The following SS18 variants were observed in gnomAD, a reference collection of about 807,000 sequenced individuals.
SS18 encodes the protein protein SSXT.
A neutral mutation model predicts 72.5 loss-of-function variants in SS18; 28 were observed. The ratio of observed to expected loss-of-function variants is 0.39; its 90% CI spans 0.29 to 0.53. The LOEUF (loss-of-function observed/expected upper bound fraction) is 0.53. SS18 is among the 20% of genes least tolerant of loss of function. SS18 has a pLI of 0.76. For synonymous variants in SS18, 172 were observed against 164.2 expected (o/e 1.05, Z -0.37); for missense variants, 518 against 535.3 (o/e 0.97, Z 0.32).
At chr18:26,039,168 CAAAAAAAAAAAAAAA>C (rs34318951) in intron 6 of SS18, 106 bp downstream of exon 6, 18 of 251,654 alleles carry the variant, frequency 7.2e-5, no homozygotes, top group Middle Eastern at 1.3e-3. Context: ...TACCTTTTGT[CAAAAAAAAAAAAAAA>C]AAAAAAAAAA....
At position 26,090,491 on chromosome 18, in the gene SS18, G is replaced by A. The variant is rs768746061; in HGVS notation, c.69+10C>T. 38 of 1,563,606 alleles carry A rather than the reference G, an allele frequency of 2.4e-5. No individual in the cohort carries two copies. The highest frequency in any genetic ancestry group is 2.2e-4 in the Admixed American group (12 of 53,742). On this transcript the variant is annotated intron_variant, in intron 1 of 10. Transcript: ENST00000415083. ...AAGGGCCTGGCATCCGCAACCCCGCGCGGTTTCACCTTCTGAATCGCAGCG... is the reference window on the plus strand; with the variant it reads ...AAGGGCCTGGCATCCGCAACCCCGCACGGTTTCACCTTCTGAATCGCAGCG...
chr18:26,080,105 AAAGT>A (rs1210888516), intron 2 of SS18, among the ~76,000 whole-genome samples: 1 of 152,228 alleles, frequency 6.6e-6, no homozygotes, highest in African/African-American at 2.4e-5. Context: ...CTAAATGGAC[AAAGT>A]AATAATTATA....
At chr18:26,070,458 G>T (rs1014399845) in intron 3 of SS18, among the ~76,000 whole-genome samples, 1 of 152,184 alleles carries the variant, frequency 6.6e-6, no homozygotes, top group Non-Finnish European at 1.5e-5. Flanking sequence ...TTAAAATTAA[G>T]AAAACAAGTC....
At chr18:26,090,141 C>A in intron 1 of SS18, 1 of 258,846 alleles carries the variant, frequency 3.9e-6, no homozygotes, top group Non-Finnish European at 7.3e-6. Flanking sequence ...AAAGTAACTC[C>A]GGAGCAACGC....
At chr18:26,029,235 G>T (rs2053502848) in intron 10 of SS18, among the ~76,000 whole-genome samples, 2 of 152,206 alleles carry the variant, frequency 1.3e-5, no homozygotes, top group Non-Finnish European at 2.9e-5. Flanking sequence ...CACAAGGAGG[G>T]TAGCATAGGA....
chr18:26,049,590 C>T (rs750315486), intron 5 of SS18, among the ~76,000 whole-genome samples: 1 of 152,204 alleles, frequency 6.6e-6, no homozygotes, highest in Non-Finnish European at 1.5e-5. Flanking sequence ...AAACTCACTA[C>T]AGCCTCGAAG....
chr18:26,017,302 T>A lies in SS18; in HGVS notation c.*1052A>T, dbSNP rs2053266217. On this transcript the variant is annotated 3_prime_UTR_variant, in exon 11 of 11. Coordinates refer to ENST00000415083, the MANE Select transcript of SS18 (RefSeq NM_001007559.3). Reference sequence around the variant, plus strand: ...AGTGTCCCTTTATAAATGATATTATTTCCAGATAAGAAAGTTGAAACAAAG... The same window carrying A: ...AGTGTCCCTTTATAAATGATATTATATCCAGATAAGAAAGTTGAAACAAAG... The A allele has an allele frequency of 5.2e-6, 1 of 193,892 alleles. No individual in the cohort carries two copies. Among genetic ancestry groups the A allele is most frequent in the South Asian group, 1.9e-4 (1 of 5,196 alleles). The allele number at this position is 193,892 out of a possible 1,614,324, so 12.0% of individuals were successfully genotyped here.
chr18:26,018,287 T>A lies in SS18; in HGVS notation c.*67A>T, dbSNP rs749900408. On this transcript the variant is annotated 3_prime_UTR_variant, in exon 11 of 11. Transcript: ENST00000415083. ...ATGGAAGGATCTCTTCACAGGGAGG[T>A]GTCCACAGTGCTGAGGTGACAATAT... 1 of 1,320,154 alleles carries A rather than the reference T, an allele frequency of 7.6e-7. No individual in the cohort carries two copies. The highest frequency in any genetic ancestry group is 1.1e-6 in the Non-Finnish European group (1 of 929,896). 81.8% of individuals were successfully genotyped at this position (1,320,154 alleles called of 1,614,324 possible). A position where few individuals can be genotyped will look rare whatever the true frequency, so the allele number is the denominator to read the frequency against.
intron 3 of SS18, among the ~76,000 whole-genome samples, chr18:26,074,935 A>G (rs997619497): frequency 3.9e-5 from 6 of 151,976 alleles, no homozygotes; most frequent in Admixed American, 3.3e-4. Flanking sequence ...TGTTGACATT[A>G]GGAAAATAAG....
In SS18 at chr18:26,035,263, G is replaced by T. The variant is rs2053608720; in HGVS notation, c.974-136C>A. 8.6e-7 allele frequency: 1 copy of T among 1,168,202 alleles called. No homozygotes were observed. Among genetic ancestry groups the T allele is most frequent in the South Asian group, 1.7e-5 (1 of 59,480 alleles). 72.4% of individuals were successfully genotyped at this position (1,168,202 alleles called of 1,614,324 possible). Reference sequence around the variant, plus strand: ...GATTTTTAGAAGTTAACAAAACAAAGAAAAAACTCAAACCAAACAGAAGGA... The same window carrying T: ...GATTTTTAGAAGTTAACAAAACAAATAAAAAACTCAAACCAAACAGAAGGA... On this transcript the variant is annotated intron_variant, in intron 8 of 10. Coordinates refer to ENST00000415083, the MANE Select transcript of SS18 (RefSeq NM_001007559.3). The surrounding 1 kb of genome is among the most constrained non-coding windows in gnomAD (Gnocchi z 4.4).
At chr18:26,022,232 T>C (rs1005447914) in intron 10 of SS18, among the ~76,000 whole-genome samples, 2 of 152,140 alleles carry the variant, frequency 1.3e-5, no homozygotes, top group Non-Finnish European at 2.9e-5. Context: ...TATTTACTGA[T>C]TATGTGCTGT....
At position 26,017,910 on chromosome 18, in the gene SS18, T is replaced by C. The variant is rs1253720079; in HGVS notation, c.*444A>G. The C allele has an allele frequency of 4.2e-6, 1 of 237,178 alleles. No individual in the cohort carries two copies. Among genetic ancestry groups the C allele is most frequent in the Non-Finnish European group, 8.3e-6 (1 of 120,626 alleles). 14.7% of individuals were successfully genotyped at this position (237,178 alleles called of 1,614,324 possible). On this transcript the variant is annotated 3_prime_UTR_variant, in exon 11 of 11. Coordinates refer to ENST00000415083, the MANE Select transcript of SS18 (RefSeq NM_001007559.3). ...AGTGCGTAGTGTACCGCCTTGCATA[T>C]TCACCACATGAAATAAACATAATAT...
chr18:26,062,764 T>C (rs977959256), intron 3 of SS18, among the ~76,000 whole-genome samples: 1 of 152,226 alleles, frequency 6.6e-6, no homozygotes, highest in African/African-American at 2.4e-5. Context: ...AATAGCTGGC[T>C]TAAATTATTA....
Position 26,066,717 on chromosome 18 carries a change from A to G in SS18, c.232-8975T>C, listed in dbSNP as rs565132939. ...CTGAATTTTATATATACTGTCCAGC[A>G]AACAGTAAACATGATTTTTTTTCCT... On this transcript the variant is annotated intron_variant, in intron 3 of 10. Transcript: ENST00000415083. Among the ~76,000 whole-genome samples, 6 of 152,296 alleles carry G rather than the reference A, an allele frequency of 3.9e-5. No individual in the cohort carries two copies. The East Asian group carries it at 9.6e-4, about 24-fold the overall frequency.
At chr18:26,042,092 G>A (rs1354293472) in intron 5 of SS18, among the ~76,000 whole-genome samples, 1 of 152,050 alleles carries the variant, frequency 6.6e-6, no homozygotes, top group African/African-American at 2.4e-5. Flanking sequence ...TGATTGTTTA[G>A]GAAGTATATT....
rs146549791 is a variant in SS18 at position 26,057,602 on chromosome 18, G to A, written c.372C>T (p.Asn124=). The change falls in exon 4 of 11, where the codon AAC becomes AAT. Residue 124 remains asparagine (N), a synonymous_variant. Transcript: ENST00000415083. ...PPAPHMQNQM[N]GQMPGPNHMP... is the part of the protein sequence containing the mutation. ...AGAAAAACTTACCAGGCATCTGGCC[G>A]TTCATCTGGTTCTGCATGTGCGGTG... 5.5e-5 allele frequency: 88 copies of A among 1,613,952 alleles called. No individual in the cohort carries two copies. The highest frequency in any genetic ancestry group is 8.3e-5 in the Admixed American group (5 of 60,000).
intron 9 of SS18, among the ~76,000 whole-genome samples, chr18:26,034,338 A>G (rs1280404860): frequency 6.6e-6 from 1 of 152,212 alleles, no homozygotes; most frequent in Non-Finnish European, 1.5e-5. Context: ...AAGTGGTTAT[A>G]GTAGCCTGAG....
At chr18:26,018,420 G>C in intron 10 of SS18, 40 bp from the exon 11 acceptor site, 1 of 1,378,750 alleles carries the variant, frequency 7.3e-7, no homozygotes, top group Non-Finnish European at 1.0e-6. Context: ...ATAATAGTTT[G>C]ACCATAACAG....
At chr18:26,038,975 C>T (rs1422500411) in intron 6 of SS18, among the ~76,000 whole-genome samples, 1 of 151,948 alleles carries the variant, frequency 6.6e-6, no homozygotes, top group Non-Finnish European at 1.5e-5. Context: ...TTTGATACTA[C>T]AGTGCTGTGA....
Sources: allele counts gnomAD v4.1 joint callset (sites outside exome capture counted in the v4.1 genomes callset), GRCh38; gene constraint gnomAD v4.1.1; non-coding constraint Gnocchi (gnomAD v3.1); transcripts MANE v1.5; gene names NCBI Gene and HGNC (gene_info 2026-07-23, HGNC 2026-07-21).